The following PCDHB12 variants were observed in gnomAD, a reference collection of about 807,000 sequenced individuals.
The protein encoded by PCDHB12 is protocadherin beta-12.
For missense variants in PCDHB12, 1,192 were observed against 998.2 expected, an observed-to-expected ratio of 1.19 and a Z score of -2.62; for synonymous variants, 560 against 445.2, an observed-to-expected ratio of 1.26 and a Z score of -3.24.
chr5:141,209,360 G>T lies in PCDHB12; in HGVS notation c.453G>T (p.Val151=). ...EIPENSPVGA[V]FLLESAKDLD... The stretch of plus-strand genomic sequence containing the variant: ...CAGAGAACAGTCCTGTTGGTGCTGT[G>T]TTCTTGCTTGAAAGTGCAAAGGATT... The change falls in exon 1 of 1, where the codon GTG becomes GTT. Residue 151 remains valine (V), a synonymous_variant. Coordinates refer to ENST00000239450, the MANE Select transcript of PCDHB12 (RefSeq NM_018932.4). 1 of 1,614,228 alleles carries T rather than the reference G, an allele frequency of 6.2e-7. No individual in the cohort carries two copies. Among genetic ancestry groups the T allele is most frequent in the Non-Finnish European group, 8.5e-7 (1 of 1,180,042 alleles).
In PCDHB12 at chr5:141,209,463, C is replaced by T. The variant is rs1754378486; in HGVS notation, c.556C>T (p.Pro186Ser). The stretch of plus-strand genomic sequence containing the variant: ...TTTCCACGTTAAAATAAGAGTCAAT[C>T]CAGACAATAGGAAATACCCTGAGTT... Reference protein sequence around the residue: ...SHFHVKIRVNPDNRKYPELVL... With the variant: ...SHFHVKIRVNSDNRKYPELVL... The change falls in exon 1 of 1, where the codon CCA (proline) becomes TCA (serine). Residue 186 changes from proline (P) to serine (S), a missense_variant. Physicochemically the swap from Pro to Ser is moderately conservative, Grantham distance 74. Transcript: ENST00000239450. 1.2e-6 allele frequency: 2 copies of T among 1,614,178 alleles called. No individual in the cohort carries two copies. Among genetic ancestry groups the T allele is most frequent in the South Asian group, 1.1e-5 (1 of 91,070 alleles).
In PCDHB12 at chr5:141,209,490, G is replaced by T. The variant is rs541337915; in HGVS notation, c.583G>T (p.Val195Phe). The change falls in exon 1 of 1, where the codon GTT becomes TTT. Residue 195 changes from valine to phenylalanine, a missense_variant. Val to Phe is a conservative substitution (Grantham distance 50). Transcript: ENST00000239450. ...AGACAATAGGAAATACCCTGAGTTA[G>T]TTCTGGACAAGGCGCTGGATTATGA... is the stretch of plus-strand genomic sequence containing the variant. The part of the protein sequence containing the change: ...NPDNRKYPEL[V>F]LDKALDYEER... 1.2e-6 allele frequency: 2 copies of T among 1,614,224 alleles called. No individual in the cohort carries two copies. The highest frequency in any genetic ancestry group is 1.1e-5 in the South Asian group (1 of 91,082).
In PCDHB12 at chr5:141,209,598, G is replaced by A. The variant is rs782310263; in HGVS notation, c.691G>A (p.Val231Met). The A allele has an allele frequency of 3.7e-6, 6 of 1,614,060 alleles. No individual in the cohort carries two copies. Among genetic ancestry groups the A allele is most frequent in the African/African-American group, 2.7e-5 (2 of 74,908 alleles). ...GTCTGGAACTGCCTTGGTCAGGGTG[G>A]TGGTTGTAGATATTAATGACAACTC... ...PRSGTALVRV[V>M]VVDINDNSPE... is the part of the protein sequence containing the mutation. Residue 231 changes from valine (V) to methionine (M), a missense_variant, in exon 1 of 1, where the codon GTG becomes ATG. Coordinates refer to ENST00000239450, the MANE Select transcript of PCDHB12 (RefSeq NM_018932.4).
chr5:141,211,372 G>A lies in PCDHB12; in HGVS notation c.*77G>A, dbSNP rs1754458849. The A allele has an allele frequency of 3.6e-6, 5 of 1,371,206 alleles. No homozygotes were observed. The highest frequency in any genetic ancestry group is 2.2e-5 in the Admixed American group (1 of 45,408). The allele number at this position is 1,371,206 out of a possible 1,614,324, so 84.9% of individuals were successfully genotyped here. A position where few individuals can be genotyped will look rare whatever the true frequency, so the allele number is the denominator to read the frequency against. On this transcript the variant is annotated 3_prime_UTR_variant, in exon 1 of 1. Coordinates refer to ENST00000239450, the MANE Select transcript of PCDHB12 (RefSeq NM_018932.4). Reference sequence around the variant, plus strand: ...CTTATCGTGAGGTGCCTGTAAAGTAGTATTTTTGATCACTTCAAATACATA... The same window carrying A: ...CTTATCGTGAGGTGCCTGTAAAGTAATATTTTTGATCACTTCAAATACATA...
In PCDHB12 at chr5:141,211,252, A is replaced by T; in HGVS notation, c.2345A>T (p.Glu782Val). ...TTCCTACCCCAGAGCACAGGTAGTG[A>T]AGTCGAAGAAAATCCCCCATTTCAG... Reference protein sequence around the residue: ...PNFLPQSTGSEVEENPPFQNN... With the variant: ...PNFLPQSTGSVVEENPPFQNN... The change falls in exon 1 of 1, where the codon GAA becomes GTA. Residue 782 changes from glutamate (E) to valine (V), a missense_variant. Coordinates refer to ENST00000239450, the MANE Select transcript of PCDHB12 (RefSeq NM_018932.4). 1 of 1,603,882 alleles carries T rather than the reference A, an allele frequency of 6.2e-7. No homozygotes were observed. Among genetic ancestry groups the T allele is most frequent in the Non-Finnish European group, 8.5e-7 (1 of 1,176,844 alleles).
At position 141,208,852 on chromosome 5, in the gene PCDHB12, C is replaced by A. The variant is rs1754357881; in HGVS notation, c.-56C>A. ...ATCAGAGGCACGTTTCCCACAACTG[C>A]GAAGAGGCGCTGAGGCAATTCTGCA... On this transcript the variant is annotated 5_prime_UTR_variant, in exon 1 of 1. Transcript: ENST00000239450. 2 of 1,461,568 alleles carry A rather than the reference C, an allele frequency of 1.4e-6. No individual in the cohort carries two copies. Among genetic ancestry groups the A allele is most frequent in the East Asian group, 2.3e-5 (1 of 43,334 alleles). 90.5% of individuals were successfully genotyped at this position (1,461,568 alleles called of 1,614,324 possible).
In PCDHB12 at chr5:141,209,053, C is replaced by T. The variant is rs782427257; in HGVS notation, c.146C>T (p.Ala49Val). ...LQSGSFVGNL[A>V]KTLGLEVSEL... Reference sequence around the variant, plus strand: ...AGCGGGAGCTTTGTAGGAAATTTGGCAAAGACCCTGGGACTCGAGGTGAGT... The same window carrying T: ...AGCGGGAGCTTTGTAGGAAATTTGGTAAAGACCCTGGGACTCGAGGTGAGT... Residue 49 changes from alanine (A) to valine (V), a missense_variant, in exon 1 of 1, where the codon GCA (alanine) becomes GTA (valine). Transcript: ENST00000239450. 31 of 1,610,944 alleles carry T rather than the reference C, an allele frequency of 1.9e-5. 1 individual carries two copies. The South Asian group carries it at 3.4e-4, about 18-fold the overall frequency.
At position 141,210,786 on chromosome 5, in the gene PCDHB12, G is replaced by A. The variant is rs782361618; in HGVS notation, c.1879G>A (p.Ala627Thr). ...VWAHNGEVRT[A>T]RLLSERDAAK... ...GGCGCACAATGGCGAGGTGCGCACC[G>A]CCAGGCTGCTGAGCGAGCGCGACGC... is the stretch of plus-strand genomic sequence containing the variant. Residue 627 changes from alanine to threonine, a missense_variant, in exon 1 of 1, where the codon GCC becomes ACC. Transcript: ENST00000239450. 9 of 1,600,196 alleles carry A rather than the reference G, an allele frequency of 5.6e-6. No homozygotes were observed. Among genetic ancestry groups the A allele is most frequent in the Middle Eastern group, 2.2e-4 (1 of 4,450 alleles).
chr5:141,210,075 C>T lies in PCDHB12; in HGVS notation c.1168C>T (p.Pro390Ser), dbSNP rs1462641370. 5 of 1,614,022 alleles carry T rather than the reference C, an allele frequency of 3.1e-6. No homozygotes were observed. Among genetic ancestry groups the T allele is most frequent in the Non-Finnish European group, 4.2e-6 (5 of 1,180,034 alleles). ...GGTTTGTTCTATCCCGGAGGACATC[C>T]CATTCGTGCTAAAATCTTCGGTAAA... ...KMVCSIPEDI[P>S]FVLKSSVNNY... The change falls in exon 1 of 1, where the codon CCA (proline) becomes TCA (serine). Residue 390 changes from proline to serine, a missense_variant. By Grantham distance (74) the Pro-to-Ser change is moderately conservative. Coordinates refer to ENST00000239450, the MANE Select transcript of PCDHB12 (RefSeq NM_018932.4).
Position 141,209,818 on chromosome 5 carries a change from CA to C in PCDHB12, c.912del (p.Ala305HisfsTer13). 1.2e-6 allele frequency: 2 copies of C among 1,614,210 alleles called. No homozygotes were observed. The highest frequency in any genetic ancestry group is 1.7e-6 in the Non-Finnish European group (2 of 1,180,054). ...INQKSGDITLTAPLDFEAIES... is the reference protein window; with the variant it reads ...INQKSGDITLXAPLDFEAIES... ...CAAAAGTCTGGTGACATTACTTTAACAGCACCTTTGGATTTTGAAGCAATTG... is the reference window on the plus strand; with the variant it reads ...CAAAAGTCTGGTGACATTACTTTAACGCACCTTTGGATTTTGAAGCAATTG... On this transcript the variant is annotated frameshift_variant, in exon 1 of 1. Coordinates refer to ENST00000239450, the MANE Select transcript of PCDHB12 (RefSeq NM_018932.4). LOFTEE classifies it low-confidence loss of function (END_TRUNC).
Position 141,209,091 on chromosome 5 carries a change from C to T in PCDHB12, c.184C>T (p.Arg62Trp), listed in dbSNP as rs782691165. ...LGLEVSELSS[R>W]GARVVSNDNK... ...ACTCGAGGTGAGTGAGCTGTCTTCG[C>T]GGGGGGCTCGGGTGGTTTCTAATGA... is the stretch of plus-strand genomic sequence containing the variant. The change falls in exon 1 of 1, where the codon CGG becomes TGG. Residue 62 changes from arginine to tryptophan, a missense_variant. Transcript: ENST00000239450. The T allele has an allele frequency of 1.1e-5, 18 of 1,613,108 alleles. No individual in the cohort carries two copies. Among genetic ancestry groups the T allele is most frequent in the Non-Finnish European group, 1.4e-5 (17 of 1,179,400 alleles).
rs377567757 is a variant in PCDHB12, at chr5:141,208,928, C to T, written c.21C>T (p.Gly7=). MENGGA[G]TLQIRQVLLF... Reference sequence around the variant, plus strand: ...AAGCTATGGAAAACGGAGGGGCAGGCACTCTGCAGATAAGGCAAGTCCTGC... The same window carrying T: ...AAGCTATGGAAAACGGAGGGGCAGGTACTCTGCAGATAAGGCAAGTCCTGC... The change falls in exon 1 of 1, where the codon GGC becomes GGT. Residue 7 remains glycine, a synonymous_variant. Coordinates refer to ENST00000239450, the MANE Select transcript of PCDHB12 (RefSeq NM_018932.4). The T allele has an allele frequency of 1.6e-4, 238 of 1,528,762 alleles. No homozygotes were observed. The highest frequency in any genetic ancestry group is 2.0e-4 in the Non-Finnish European group (231 of 1,141,950). 94.7% of individuals were successfully genotyped at this position (1,528,762 alleles called of 1,614,324 possible). A position where few individuals can be genotyped will look rare whatever the true frequency, so the allele number is the denominator to read the frequency against.
Position 141,210,454 on chromosome 5 carries a change from T to G in PCDHB12, c.1547T>G (p.Leu516Arg). 2 of 1,612,932 alleles carry G rather than the reference T, an allele frequency of 1.2e-6. No homozygotes were observed. Among genetic ancestry groups the G allele is most frequent in the Non-Finnish European group, 1.7e-6 (2 of 1,179,896 alleles). Residue 516 changes from leucine to arginine, a missense_variant, in exon 1 of 1, where the codon CTC becomes CGC. Coordinates refer to ENST00000239450, the MANE Select transcript of PCDHB12 (RefSeq NM_018932.4). ...GCGGACAACGGCCACCTGTTTGCCC[T>G]CAGGTCGCTGGACTACGAGGCCCTG... ...INADNGHLFALRSLDYEALQG... is the reference protein window; with the variant it reads ...INADNGHLFARRSLDYEALQG...
rs782666772 is a variant in PCDHB12 at position 141,209,230 on chromosome 5, T to C, written c.323T>C (p.Val108Ala). The C allele has an allele frequency of 2.5e-6, 4 of 1,614,028 alleles. No individual in the cohort carries two copies. Among genetic ancestry groups the C allele is most frequent in the South Asian group, 1.1e-5 (1 of 91,086 alleles). The change falls in exon 1 of 1, where the codon GTG becomes GCG. Residue 108 changes from valine to alanine, a missense_variant. Transcript: ENST00000239450. Reference protein sequence around the residue: ...SNEPCVLYFQVLMKNPTQFLQ... With the variant: ...SNEPCVLYFQALMKNPTQFLQ... The stretch of plus-strand genomic sequence containing the variant: ...GAGCCTTGTGTGCTGTATTTCCAAG[T>C]GTTAATGAAAAACCCCACGCAGTTT...
At position 141,209,079 on chromosome 5, in the gene PCDHB12, G is replaced by A. The variant is rs1563976052; in HGVS notation, c.172G>A (p.Glu58Lys). 2.5e-6 allele frequency: 4 copies of A among 1,613,166 alleles called. No individual in the cohort carries two copies. Among genetic ancestry groups the A allele is most frequent in the Admixed American group, 3.3e-5 (2 of 59,996 alleles). Residue 58 changes from glutamate (E) to lysine (K), a missense_variant, in exon 1 of 1, where the codon GAG (glutamate) becomes AAG (lysine). By Grantham distance (56) the Glu-to-Lys change is moderately conservative (BLOSUM62 1). Coordinates refer to ENST00000239450, the MANE Select transcript of PCDHB12 (RefSeq NM_018932.4). The part of the protein sequence containing the change: ...LAKTLGLEVS[E>K]LSSRGARVVS... Reference sequence around the variant, plus strand: ...AAAGACCCTGGGACTCGAGGTGAGTGAGCTGTCTTCGCGGGGGGCTCGGGT... The same window carrying A: ...AAAGACCCTGGGACTCGAGGTGAGTAAGCTGTCTTCGCGGGGGGCTCGGGT...
Position 141,209,747 on chromosome 5 carries a change from CT to C in PCDHB12, c.844del (p.Ser282ProfsTer22), listed in dbSNP as rs782673444. 2 of 1,614,072 alleles carry C rather than the reference CT, an allele frequency of 1.2e-6. No homozygotes were observed. Among genetic ancestry groups the C allele is most frequent in the Non-Finnish European group, 1.7e-6 (2 of 1,180,044 alleles). On this transcript the variant is annotated frameshift_variant, in exon 1 of 1. Coordinates refer to ENST00000239450, the MANE Select transcript of PCDHB12 (RefSeq NM_018932.4). LOFTEE classifies it low-confidence loss of function (END_TRUNC). ...SGTNSELSYT[F>X]SHASEDIRKT... ...GAACAAACAGTGAACTATCCTATACCTTTTCCCATGCCTCAGAAGATATTCG... is the reference window on the plus strand; with the variant it reads ...GAACAAACAGTGAACTATCCTATACCTTTCCCATGCCTCAGAAGATATTCG...
rs1554286767 is a variant in PCDHB12 at position 141,209,886 on chromosome 5, C to G, written c.979C>G (p.Leu327Val). 3 of 1,614,058 alleles carry G rather than the reference C, an allele frequency of 1.9e-6. No homozygotes were observed. Among genetic ancestry groups the G allele is most frequent in the African/African-American group, 1.3e-5 (1 of 74,926 alleles). ...IIIQATDGGG[L>V]FGKSTVRIQV... ...CATTCAAGCCACAGATGGGGGAGGA[C>G]TTTTTGGAAAATCTACAGTCAGAAT... The change falls in exon 1 of 1, where the codon CTT (leucine) becomes GTT (valine). Residue 327 changes from leucine to valine, a missense_variant. Leu to Val is a conservative substitution (Grantham distance 32). Coordinates refer to ENST00000239450, the MANE Select transcript of PCDHB12 (RefSeq NM_018932.4).
At position 141,210,323 on chromosome 5, in the gene PCDHB12, C is replaced by A. The variant is rs147635538; in HGVS notation, c.1416C>A (p.Ser472Arg). ...ENNSPALHIG[S>R]ISATDRDSGT... ...ACAGCCCCGCCCTGCACATCGGCAG[C>A]ATCAGCGCCACAGACAGAGACTCGG... The change falls in exon 1 of 1, where the codon AGC becomes AGA. Residue 472 changes from serine to arginine, a missense_variant. By Grantham distance (110) the Ser-to-Arg change is moderately radical (BLOSUM62 -1). Coordinates refer to ENST00000239450, the MANE Select transcript of PCDHB12 (RefSeq NM_018932.4). 8.1e-6 allele frequency: 13 copies of A among 1,613,234 alleles called. No individual in the cohort carries two copies. The highest frequency in any genetic ancestry group is 1.9e-4 in the Middle Eastern group (1 of 5,350).
chr5:141,210,361 A>C lies in PCDHB12; in HGVS notation c.1454A>C (p.Gln485Pro). Residue 485 changes from glutamine (Q) to proline (P), a missense_variant, in exon 1 of 1, where the codon CAG becomes CCG. Physicochemically the swap from Gln to Pro is moderately conservative, Grantham distance 76. Transcript: ENST00000239450. ...ATDRDSGTNA[Q>P]VNYSLLPSQD... is the part of the protein sequence containing the mutation. The stretch of plus-strand genomic sequence containing the variant: ...GACAGAGACTCGGGCACCAACGCCC[A>C]GGTCAACTACTCGCTGCTGCCGTCC... The C allele has an allele frequency of 6.2e-7, 1 of 1,613,050 alleles. No individual in the cohort carries two copies. The highest frequency in any genetic ancestry group is 1.1e-5 in the South Asian group (1 of 91,026).
Sources: allele counts gnomAD v4.1 joint callset, GRCh38; gene constraint gnomAD v4.1.1; transcripts MANE v1.5; gene names NCBI Gene and HGNC (gene_info 2026-07-23, HGNC 2026-07-21).